The following SPIRE2 variants were observed in gnomAD, a reference collection of about 807,000 sequenced individuals.
SPIRE2 encodes the protein spire type actin nucleation factor 2.
A neutral mutation model predicts 80.7 loss-of-function variants in SPIRE2; 76 were observed. That is an observed-to-expected ratio of 0.94 (90% CI 0.78 to 1.14). The LOEUF (loss-of-function observed/expected upper bound fraction) is 1.14. Ranked by LOEUF, SPIRE2 falls within the 50% of genes most tolerant of loss-of-function variation. SPIRE2 has a pLI of 0.00. For synonymous variants in SPIRE2, 535 were observed against 432.6 expected, an observed-to-expected ratio of 1.24 and a Z score of -2.94; for missense variants, 1,196 against 1,015.3, an observed-to-expected ratio of 1.18 and a Z score of -2.42.
chr16:89,860,847 C>T (rs750700241), intron 10 of SPIRE2, 52 bp downstream of exon 10: 39 of 1,171,534 alleles, frequency 3.3e-5, no homozygotes, highest in Non-Finnish European at 4.1e-5. Context: ...CGTCTTTGCA[C>T]CCACCTTCCC....
chr16:89,850,138 G>C (rs2041607737), intron 2 of SPIRE2, 166 bp from the exon 3 acceptor site: 1 of 731,438 alleles, frequency 1.4e-6, no homozygotes, highest in Non-Finnish European at 2.4e-6. Context: ...GCCCGGCCGG[G>C]AACATCCTTT....
chr16:89,861,797 C>G (rs970387552), intron 10 of SPIRE2, among the ~76,000 whole-genome samples: 1 of 152,168 alleles, frequency 6.6e-6, no homozygotes, highest in Non-Finnish European at 1.5e-5. Flanking sequence ...GAGTCCCTTG[C>G]TGTGTAGGCC....
intron 2 of SPIRE2, chr16:89,850,077 C>G (rs375225667): frequency 1.5e-6 from 1 of 663,734 alleles, no homozygotes; most frequent in South Asian, 1.6e-5. Flanking sequence ...ACCTCGTGAT[C>G]CGCCCGCCTC....
At chr16:89,867,773 C>A (rs189517712) in intron 12 of SPIRE2, among the ~76,000 whole-genome samples, 9 of 151,974 alleles carry the variant, frequency 5.9e-5, no homozygotes, top group African/African-American at 2.2e-4. Context: ...TTAGTAGAAA[C>A]GAGGTTTCAC....
intron 1 of SPIRE2, among the ~76,000 whole-genome samples, chr16:89,843,420 G>C (rs1025497059): frequency 6.6e-6 from 1 of 151,930 alleles, no homozygotes; most frequent in Non-Finnish European, 1.5e-5. Context: ...ATTTCCACTC[G>C]GACTGTGGTT....
chr16:89,867,587 ATT>A (rs71137685), intron 12 of SPIRE2, among the ~76,000 whole-genome samples: 6 of 139,570 alleles, frequency 4.3e-5, no homozygotes, highest in Middle Eastern at 3.8e-3. Flanking sequence ...TTTTACCACC[ATT>A]TTTTTTTTTT....
rs146853123 is a variant in SPIRE2, at chr16:89,856,132, G to C, written c.998G>C (p.Arg333Pro). Residue 333 changes from arginine (R) to proline (P), a missense_variant, in exon 7 of 15, where the codon CGC becomes CCC. Coordinates refer to ENST00000378247, the MANE Select transcript of SPIRE2 (RefSeq NM_032451.2). ...PLKQVSERRL[R>P]PLPPKQRSLH... ...CCGCAGGTCTCTGAGAGGCGGCTGCGCCCGTTGCCACCAAAGCAAAGGTCC... is the reference window on the plus strand; with the variant it reads ...CCGCAGGTCTCTGAGAGGCGGCTGCCCCCGTTGCCACCAAAGCAAAGGTCC... 1.2e-6 allele frequency: 2 copies of C among 1,611,700 alleles called. No homozygotes were observed. Among genetic ancestry groups the C allele is most frequent in the South Asian group, 2.2e-5 (2 of 90,976 alleles).
chr16:89,865,078 C>G (rs111469449), intron 12 of SPIRE2, among the ~76,000 whole-genome samples: 2,768 of 146,116 alleles, frequency 0.019, 116 homozygotes, highest in African/African-American at 0.067. Context: ...ACGATCTTGG[C>G]TCACTGTAAG....
At chr16:89,839,463 C>T (rs1325785819) in intron 1 of SPIRE2, among the ~76,000 whole-genome samples, 4 of 151,442 alleles carry the variant, frequency 2.6e-5, no homozygotes, top group East Asian at 3.9e-4. Context: ...TGGGGGGCGG[C>T]GCTGATTTGA....
rs766100345 is a variant in SPIRE2 at position 89,856,098 on chromosome 16, G to C, written c.979-15G>C. 4 of 1,609,644 alleles carry C rather than the reference G, an allele frequency of 2.5e-6. No individual in the cohort carries two copies. Among genetic ancestry groups the C allele is most frequent in the Non-Finnish European group, 3.4e-6 (4 of 1,178,980 alleles). On this transcript the variant is annotated splice_polypyrimidine_tract_variant and intron_variant, in intron 6 of 14. Coordinates refer to ENST00000378247, the MANE Select transcript of SPIRE2 (RefSeq NM_032451.2). ...GTCCTGCTTCCCCACCGCAGGTCTCGCTTCCCCACCGCAGGTCTCTGAGAG... is the reference window on the plus strand; with the variant it reads ...GTCCTGCTTCCCCACCGCAGGTCTCCCTTCCCCACCGCAGGTCTCTGAGAG...
At position 89,851,491 on chromosome 16, in the gene SPIRE2, T is replaced by C. The variant is rs376511163; in HGVS notation, c.645+831T>C. Among the ~76,000 whole-genome samples, 26 of 152,252 alleles carry C rather than the reference T, an allele frequency of 1.7e-4. No homozygotes were observed. In the East Asian group the frequency reaches 3.3e-3, roughly 19 times the overall value. On this transcript the variant is annotated intron_variant, in intron 3 of 14. Transcript: ENST00000378247. ...AGGGGTCACTTGACAGATGAGCAAG[T>C]GCAGGCTCTAAGGCTGGGACCCTTG...
chr16:89,870,385 A>G lies in SPIRE2; in HGVS notation c.*113A>G, dbSNP rs761856189. ...ATATATAGATACATTTATAATATATACACACAGTCTATATATTTATATACA... is the reference window on the plus strand; with the variant it reads ...ATATATAGATACATTTATAATATATGCACACAGTCTATATATTTATATACA... On this transcript the variant is annotated 3_prime_UTR_variant, in exon 15 of 15. Transcript: ENST00000378247. 1.5e-6 allele frequency: 1 copy of G among 646,868 alleles called. No individual in the cohort carries two copies. 40.1% of individuals were successfully genotyped at this position (646,868 alleles called of 1,614,324 possible).
At chr16:89,843,459 G>A (rs2041522670) in intron 1 of SPIRE2, among the ~76,000 whole-genome samples, 1 of 151,600 alleles carries the variant, frequency 6.6e-6, no homozygotes. Context: ...GTCTTGGGGG[G>A]ACATCTCCAA....
Position 89,863,944 on chromosome 16 carries a change from GT to G in SPIRE2, c.1778+84del. The G allele has an allele frequency of 4.9e-6, 5 of 1,022,424 alleles. No individual in the cohort carries two copies. Among genetic ancestry groups the G allele is most frequent in the Non-Finnish European group, 7.4e-6 (5 of 672,150 alleles). 63.3% of individuals were successfully genotyped at this position (1,022,424 alleles called of 1,614,324 possible). A position where few individuals can be genotyped will look rare whatever the true frequency, so the allele number is the denominator to read the frequency against. On this transcript the variant is annotated intron_variant, in intron 12 of 14. Transcript: ENST00000378247. The surrounding 1 kb of genome is among the most constrained non-coding windows in gnomAD (Gnocchi z 4.3). ...GGCAGTACCGCCCACAGAACTTCCT[GT>G]GATTCCAGGAATGTTCTAGCATGTT...
chr16:89,854,564 C>A lies in SPIRE2; in HGVS notation c.804C>A (p.Asn268Lys), dbSNP rs749794208. 1.2e-6 allele frequency: 2 copies of A among 1,612,492 alleles called. No individual in the cohort carries two copies. Among genetic ancestry groups the A allele is most frequent in the East Asian group, 4.5e-5 (2 of 44,862 alleles). Reference protein sequence around the residue: ...KLKKVQEQEFNPLPTEFQLTP... With the variant: ...KLKKVQEQEFKPLPTEFQLTP... Reference sequence around the variant, plus strand: ...AGAAGGTGCAAGAGCAGGAGTTCAACCCCCTCCCCACCGAGTTCCAGCTCA... The same window carrying A: ...AGAAGGTGCAAGAGCAGGAGTTCAAACCCCTCCCCACCGAGTTCCAGCTCA... Residue 268 changes from asparagine (N) to lysine (K), a missense_variant, in exon 5 of 15, where the codon AAC becomes AAA. By Grantham distance (94) the Asn-to-Lys change is moderately conservative (BLOSUM62 0). Transcript: ENST00000378247.
At chr16:89,844,540 G>A (rs1006114916) in intron 1 of SPIRE2, among the ~76,000 whole-genome samples, 5 of 151,370 alleles carry the variant, frequency 3.3e-5, no homozygotes, top group Non-Finnish European at 2.9e-5. Context: ...CTGGGTTCAC[G>A]CCATTCTCCT....
chr16:89,863,787 C>G lies in SPIRE2; in HGVS notation c.1711-7C>G. ...AAAGCGGGGCTCTAACCAGTCTCTC[C>G]TGACAGATTTGCTGCTGCTGCCGGG... On this transcript the variant is annotated splice_polypyrimidine_tract_variant and splice_region_variant and intron_variant, in intron 11 of 14. Coordinates refer to ENST00000378247, the MANE Select transcript of SPIRE2 (RefSeq NM_032451.2). The surrounding 1 kb of genome is among the most constrained non-coding windows in gnomAD (Gnocchi z 4.3). The G allele has an allele frequency of 6.2e-7, 1 of 1,613,998 alleles. No homozygotes were observed. The highest frequency in any genetic ancestry group is 8.5e-7 in the Non-Finnish European group (1 of 1,179,924).
At chr16:89,842,904 G>A (rs1476794841) in intron 1 of SPIRE2, among the ~76,000 whole-genome samples, 1 of 152,244 alleles carries the variant, frequency 6.6e-6, no homozygotes, top group Non-Finnish European at 1.5e-5. Flanking sequence ...TTATGTTAAT[G>A]GAGCAGGCTC....
intron 1 of SPIRE2, among the ~76,000 whole-genome samples, chr16:89,830,554 T>A (rs543909379): frequency 6.6e-6 from 1 of 151,354 alleles, no homozygotes; most frequent in Non-Finnish European, 1.5e-5. Flanking sequence ...ACTTAAGTGA[T>A]AAGTAAATAC....
Sources: gnomAD v4.1 joint callset for allele counts (sites outside exome capture counted in the v4.1 genomes callset) on GRCh38, gnomAD v4.1.1 for gene constraint, Gnocchi (gnomAD v3.1) non-coding constraint, MANE v1.5 for transcripts, NCBI Gene and HGNC (gene_info 2026-07-23, HGNC 2026-07-21) for gene names.